The following CFAP47 variants were observed in gnomAD, a reference collection of about 807,000 sequenced individuals.
CFAP47 encodes cilia and flagella associated protein 47, also known as cilia- and flagella-associated protein 47.
CFAP47 carries 29 observed loss-of-function variants against 148.1 expected under a neutral mutation model. The ratio of observed to expected loss-of-function variants is 0.20; its 90% CI spans 0.15 to 0.27. The LOEUF is 0.27. Among genes scored for constraint, CFAP47 ranks in the 10% least tolerant of loss-of-function variants. The pLI is 1.00. For missense variants in CFAP47, 1,872 were observed against 1,697.5 expected, an observed-to-expected ratio of 1.10 and a Z score of -1.81; for synonymous variants, 664 against 577.3, an observed-to-expected ratio of 1.15 and a Z score of -2.15.
intron 57 of CFAP47, among the ~76,000 whole-genome samples, chrX:36,335,716 A>C (rs1941599561): frequency 8.9e-6 from 1 of 111,783 alleles, no homozygotes; most frequent in African/African-American, 3.3e-5. Context: ...GTAATGGGGT[A>C]GGAGTTGGTG....
At chrX:36,258,147 A>C (rs1248248778) in intron 49 of CFAP47, among the ~76,000 whole-genome samples, 2 of 112,267 alleles carry the variant, frequency 1.8e-5, no homozygotes, top group Non-Finnish European at 3.8e-5. Context: ...ATTTCTAAAA[A>C]TTTGCAATTT....
At chrX:36,332,146 G>T (rs934819244) in intron 57 of CFAP47, among the ~76,000 whole-genome samples, 2 of 111,302 alleles carry the variant, frequency 1.8e-5, no homozygotes, top group South Asian at 7.5e-4. Context: ...TAAAATATTT[G>T]ATTACTTCCA....
At chrX:36,246,694 G>T (rs1420984345) in intron 48 of CFAP47, among the ~76,000 whole-genome samples, 1 of 111,426 alleles carries the variant, frequency 9.0e-6, no homozygotes. Context: ...AATTGAAGAT[G>T]AGATTTTGGG....
At chrX:36,257,363 G>A (rs1276398921) in intron 49 of CFAP47, among the ~76,000 whole-genome samples, 2 of 111,196 alleles carry the variant, frequency 1.8e-5, no homozygotes, top group African/African-American at 6.5e-5. Context: ...TCATGGCCTG[G>A]TGGCCTAAAA....
chrX:36,110,790 A>C (rs1429557156), intron 33 of CFAP47, among the ~76,000 whole-genome samples: 3 of 111,560 alleles, frequency 2.7e-5, no homozygotes, highest in African/African-American at 9.8e-5. Flanking sequence ...TTCTTTGAGC[A>C]GTGTTTTGTA....
At chrX:36,364,103 G>A (rs1324193756) in intron 61 of CFAP47, among the ~76,000 whole-genome samples, 1 of 111,208 alleles carries the variant, frequency 9.0e-6, no homozygotes, top group Non-Finnish European at 1.9e-5. Flanking sequence ...GAGTTTGTGG[G>A]TGGCAACTTA....
chrX:35,959,877 T>TAA (rs1316711250), intron 8 of CFAP47, among the ~76,000 whole-genome samples: 1 of 52,699 alleles, frequency 1.9e-5, no homozygotes. Context: ...AGACTCCGTC[T>TAA]CAAAAAAAAA....
intron 39 of CFAP47, among the ~76,000 whole-genome samples, chrX:36,176,264 C>T (rs946379033): frequency 2.7e-5 from 3 of 112,245 alleles, no homozygotes; most frequent in Non-Finnish European, 1.9e-5. Flanking sequence ...CCATCTTCTG[C>T]GTCACTCACG....
chrX:36,019,389 C>T (rs927238202), intron 22 of CFAP47, among the ~76,000 whole-genome samples: 3 of 111,884 alleles, frequency 2.7e-5, no homozygotes, highest in Non-Finnish European at 3.8e-5. Context: ...CCTCCTCCCC[C>T]GAGTAGGAGG....
intron 60 of CFAP47, among the ~76,000 whole-genome samples, chrX:36,359,411 C>G (rs1170106393): frequency 3.6e-5 from 4 of 111,709 alleles, no homozygotes; most frequent in African/African-American, 1.3e-4. Flanking sequence ...TACTTTTACT[C>G]CCCCTAAATA....
chrX:36,053,246 C>A (rs1009494362), intron 26 of CFAP47, among the ~76,000 whole-genome samples: 2 of 111,629 alleles, frequency 1.8e-5, no homozygotes, highest in African/African-American at 6.5e-5. Flanking sequence ...CAAAGCTCTC[C>A]TTATGGATTA....
intron 46 of CFAP47, 40 bp from the exon 47 acceptor site, chrX:36,235,894 A>T (rs1569296127): frequency 2.3e-6 from 1 of 434,310 alleles, no homozygotes; most frequent in East Asian, 4.0e-5. Context: ...TTTCATCAAT[A>T]TCATCTCTCT....
chrX:36,207,152 T>C lies in CFAP47; in HGVS notation c.6817+2042T>C, dbSNP rs190233370. Among the ~76,000 whole-genome samples, 365 of 112,305 alleles carry C rather than the reference T, an allele frequency of 3.3e-3. 1 individual carries two copies. The highest frequency in any genetic ancestry group is 0.01 in the African/African-American group (324 of 31,009). The stretch of plus-strand genomic sequence containing the variant: ...AATGAAAAGGAATGGGATGCAAGCA[T>C]TGTAACTTTAATAAATGCAATTCTA... On this transcript the variant is annotated intron_variant, in intron 45 of 63. Coordinates refer to ENST00000378653, the MANE Select transcript of CFAP47 (RefSeq NM_001304548.2).
At chrX:35,955,540 T>C (rs1240088994) in intron 7 of CFAP47, among the ~76,000 whole-genome samples, 1 of 111,903 alleles carries the variant, frequency 8.9e-6, no homozygotes, top group African/African-American at 3.2e-5. Context: ...TTCACATTTT[T>C]TTCCAGACTC....
rs782217504 is a variant in CFAP47, at chrX:36,264,226, G to A, written c.7444+12782G>A. Among the ~76,000 whole-genome samples the A allele has an allele frequency of 5.3e-3, 595 of 111,711 alleles. 3 individuals are homozygous for A. Among genetic ancestry groups the A allele is most frequent in the Non-Finnish European group, 7.8e-3 (416 of 53,095 alleles). ...GGAGCTACGAGCCTTGCAGCCTGGG[G>A]TTAGGACTTCAGTGATGCCAGCTCT... On this transcript the variant is annotated intron_variant, in intron 49 of 63. Transcript: ENST00000378653.
intron 34 of CFAP47, 145 bp downstream of exon 34, chrX:36,138,200 T>C: frequency 1.5e-6 from 1 of 648,689 alleles, no homozygotes; most frequent in Non-Finnish European, 2.2e-6. Flanking sequence ...CAGCACTACC[T>C]TTTTGTTTAT....
intron 57 of CFAP47, among the ~76,000 whole-genome samples, chrX:36,335,065 T>C (rs1302731062): frequency 7.2e-5 from 8 of 111,184 alleles, no homozygotes; most frequent in African/African-American, 2.6e-4. Flanking sequence ...AAATTTGGGC[T>C]TAAAAATTCA....
chrX:36,010,252 AT>A (rs1937023551), intron 21 of CFAP47, among the ~76,000 whole-genome samples: 1 of 111,387 alleles, frequency 9.0e-6, no homozygotes, highest in Non-Finnish European at 1.9e-5. Context: ...GATCAATTTT[AT>A]TTTTATCAAT....
intron 49 of CFAP47, among the ~76,000 whole-genome samples, chrX:36,279,074 G>C (rs1175574379): frequency 1.8e-5 from 2 of 111,491 alleles, no homozygotes; most frequent in African/African-American, 6.5e-5. Context: ...TCCAAATTAG[G>C]CATTTCTTTC....
Sources: gnomAD v4.1 joint callset for allele counts (sites outside exome capture counted in the v4.1 genomes callset) on GRCh38, gnomAD v4.1.1 for gene constraint, MANE v1.5 for transcripts, NCBI Gene and HGNC (gene_info 2026-07-23, HGNC 2026-07-21) for gene names.